The following FMNL2 variants were observed in gnomAD, a reference collection of about 807,000 sequenced individuals.
FMNL2 encodes the protein formin like 2, also known as formin-like protein 2.
A neutral mutation model predicts 130.2 loss-of-function variants in FMNL2; 51 were observed. The observed-to-expected ratio is 0.39, with a 90% CI of 0.31 to 0.49. The LOEUF is 0.49. Among genes scored for constraint, FMNL2 ranks in the 20% least tolerant of loss-of-function variants. The pLI, the probability that FMNL2 is intolerant of heterozygous loss-of-function variation, is 0.85. For missense variants in FMNL2, 977 were observed against 1,316.2 expected (o/e 0.74, Z 3.99); for synonymous variants, 465 against 467.1 (o/e 1.00, Z 0.06).
intron 1 of FMNL2, among the ~76,000 whole-genome samples, chr2:152,450,832 G>A (rs963830869): frequency 2.0e-5 from 3 of 152,144 alleles, no homozygotes; most frequent in Non-Finnish European, 2.9e-5. Flanking sequence ...AATCATTGAC[G>A]GTTGTCATCT....
At chr2:152,540,021 T>C (rs187886355) in intron 2 of FMNL2, among the ~76,000 whole-genome samples, 10 of 152,258 alleles carry the variant, frequency 6.6e-5, no homozygotes, top group African/African-American at 2.4e-4. Flanking sequence ...ACCTGGGAAG[T>C]CGAGGCTGCA....
intron 2 of FMNL2, among the ~76,000 whole-genome samples, chr2:152,525,530 C>T (rs1009831588): frequency 6.6e-6 from 1 of 152,202 alleles, no homozygotes; most frequent in Non-Finnish European, 1.5e-5. Context: ...CTCCTGATAG[C>T]TGGCTGTTGC....
Position 152,602,702 on chromosome 2 carries a change from G to GTGAT in FMNL2, c.877-4636_877-4633dup, listed in dbSNP as rs1238071035. On this transcript the variant is annotated intron_variant, in intron 9 of 25. Transcript: ENST00000288670. Reference sequence around the variant, plus strand: ...ATCTGGCCTTTGTGGGCAGATGGAAGTGATGCCCATCAATATAGAATGTGT... The same window carrying GTGAT: ...ATCTGGCCTTTGTGGGCAGATGGAAGTGATTGATGCCCATCAATATAGAATGTGT... Among the ~76,000 whole-genome samples the GTGAT allele has an allele frequency of 8.5e-5, 13 of 152,312 alleles. No homozygotes were observed. The East Asian group carries it at 2.1e-3, about 25-fold the overall frequency.
chr2:152,386,066 A>G (rs971580923), intron 1 of FMNL2, among the ~76,000 whole-genome samples: 1 of 152,214 alleles, frequency 6.6e-6, no homozygotes, highest in African/African-American at 2.4e-5. Flanking sequence ...TTTAAACATA[A>G]GAGTATCAGG....
chr2:152,626,687 G>C lies in FMNL2; in HGVS notation c.2125G>C (p.Ala709Pro). The C allele has an allele frequency of 6.2e-7, 1 of 1,612,744 alleles. No homozygotes were observed. The highest frequency in any genetic ancestry group is 2.2e-5 in the East Asian group (1 of 44,852). The change falls in exon 17 of 26, where the codon GCT becomes CCT. Residue 709 changes from alanine (A) to proline (P), a missense_variant. This residue lies in a region of FMNL2 where 689 missense variants were observed against 995.9 expected (regional missense o/e 0.69). Coordinates refer to ENST00000288670, the MANE Select transcript of FMNL2 (RefSeq NM_052905.4). ...AAATCTTGCCATAACTTTAAGGAAA[G>C]CTGGAAAGACTGCTGATGAAATATG... ...AKNLAITLRKAGKTADEICKA... is the reference protein window; with the variant it reads ...AKNLAITLRKPGKTADEICKA...
intron 6 of FMNL2, among the ~76,000 whole-genome samples, chr2:152,564,159 TG>T (rs753288677): frequency 1.6e-4 from 10 of 63,222 alleles, no homozygotes; most frequent in Non-Finnish European, 2.8e-4. Context: ...TAGCACAGGT[TG>T]TTTTTTTTTT....
chr2:152,548,551 C>T (rs766785915), intron 3 of FMNL2, among the ~76,000 whole-genome samples: 6 of 152,150 alleles, frequency 3.9e-5, no homozygotes, highest in East Asian at 1.9e-4. Context: ...TGTGTCTCCT[C>T]GGGGAGAGGA....
At chr2:152,408,379 C>T (rs1362143584) in intron 1 of FMNL2, among the ~76,000 whole-genome samples, 2 of 152,106 alleles carry the variant, frequency 1.3e-5, no homozygotes, top group Non-Finnish European at 1.5e-5. Flanking sequence ...GTTTATAAAA[C>T]ATTTATGCAT....
Position 152,575,216 on chromosome 2 carries a change from T to C in FMNL2, c.677T>C (p.Met226Thr), listed in dbSNP as rs1259507938. 1 of 1,602,304 alleles carries C rather than the reference T, an allele frequency of 6.2e-7. No homozygotes were observed. The highest frequency in any genetic ancestry group is 1.1e-5 in the South Asian group (1 of 89,022). The change falls in exon 7 of 26, where the codon ATG becomes ACG. Residue 226 changes from methionine to threonine, a missense_variant. By Grantham distance (81) the Met-to-Thr change is moderately conservative. Transcript: ENST00000288670. ...SKKDDVHVCI[M>T]CLRAIMNYQY... Reference sequence around the variant, plus strand: ...AAAGATGATGTGCATGTCTGTATCATGTGTTTACGTGCCATCATGAATTAT... The same window carrying C: ...AAAGATGATGTGCATGTCTGTATCACGTGTTTACGTGCCATCATGAATTAT...
intron 25 of FMNL2, 106 bp downstream of exon 25, chr2:152,641,020 A>C: frequency 1.4e-6 from 2 of 1,449,112 alleles, no homozygotes; most frequent in Middle Eastern, 1.8e-4. Flanking sequence ...TGTCAAGTTC[A>C]TTAGTTGACT....
intron 1 of FMNL2, among the ~76,000 whole-genome samples, chr2:152,411,506 G>T (rs35588394): frequency 2.7e-4 from 41 of 152,250 alleles, no homozygotes; most frequent in African/African-American, 9.9e-4. Flanking sequence ...TATGAAGTTG[G>T]TCCTAAAATC....
At chr2:152,414,607 A>T (rs1227366732) in intron 1 of FMNL2, among the ~76,000 whole-genome samples, 1 of 152,108 alleles carries the variant, frequency 6.6e-6, no homozygotes. Flanking sequence ...GTAGCCCCTC[A>T]AGTGGAGATT....
chr2:152,441,969 G>A (rs546546163), intron 1 of FMNL2, among the ~76,000 whole-genome samples: 2 of 152,152 alleles, frequency 1.3e-5, no homozygotes, highest in African/African-American at 4.8e-5. Context: ...ACCAGTGTGT[G>A]TCTGTGTGTG....
At chr2:152,568,315 A>C (rs897713243) in intron 6 of FMNL2, among the ~76,000 whole-genome samples, 6 of 149,470 alleles carry the variant, frequency 4.0e-5, no homozygotes, top group Admixed American at 2.0e-4. Flanking sequence ...TCCCAGGTTC[A>C]AGCAATTCTT....
intron 1 of FMNL2, among the ~76,000 whole-genome samples, chr2:152,502,751 T>C: frequency 6.6e-6 from 1 of 151,162 alleles, no homozygotes; most frequent in East Asian, 1.9e-4. Context: ...GTGCGGAGAG[T>C]GGGAGAGGAA....
intron 1 of FMNL2, among the ~76,000 whole-genome samples, chr2:152,371,553 C>T (rs907700719): frequency 6.6e-6 from 1 of 151,038 alleles, no homozygotes; most frequent in South Asian, 2.1e-4. Context: ...CCTGTAGTCC[C>T]AGCTACTTGG....
chr2:152,427,557 A>C (rs1230593543), intron 1 of FMNL2, among the ~76,000 whole-genome samples: 1 of 152,164 alleles, frequency 6.6e-6, no homozygotes, highest in Non-Finnish European at 1.5e-5. Flanking sequence ...AAAATAAATA[A>C]ATAAAATGAA....
intron 1 of FMNL2, chr2:152,390,135 G>A (rs1685021410): frequency 7.1e-6 from 9 of 1,269,776 alleles, no homozygotes; most frequent in Non-Finnish European, 9.2e-6. Context: ...CCTAGGCAAC[G>A]GGGCAGACCT....
chr2:152,377,610 A>C (rs567349248), intron 1 of FMNL2, among the ~76,000 whole-genome samples: 309 of 152,340 alleles, frequency 2.0e-3, no homozygotes, highest in African/African-American at 7.2e-3. Flanking sequence ...AGTATATAGG[A>C]TAGAACATGT....
Sources: allele counts gnomAD v4.1 joint callset (sites outside exome capture counted in the v4.1 genomes callset), GRCh38; gene constraint gnomAD v4.1.1; regional missense constraint gnomAD v4.1.1; transcripts MANE v1.5; gene names NCBI Gene and HGNC (gene_info 2026-07-23, HGNC 2026-07-21).